KLHL28: variants seen among roughly 807,000 people sequenced by gnomAD.
The protein encoded by KLHL28 is kelch like family member 28, also known as kelch-like protein 28.
KLHL28 carries 22 observed loss-of-function variants against 48.3 expected under a neutral mutation model. The ratio of observed to expected loss-of-function variants is 0.46; its 90% CI spans 0.33 to 0.65. The LOEUF is 0.65. Among genes scored for constraint, KLHL28 ranks in the 30% least tolerant of loss-of-function variants. The probability of loss-of-function intolerance (pLI) is 0.03; values close to 1 mark genes in which losing one functional copy is unlikely to be tolerated. For missense variants in KLHL28, 527 were observed against 704.3 expected (o/e 0.75, Z 2.85); for synonymous variants, 243 against 242.4 (o/e 1.00, Z -0.02).
chr14:44,936,137 T>C (rs1696490831), intron 2 of KLHL28, among the ~76,000 whole-genome samples: 1 of 151,644 alleles, frequency 6.6e-6, no homozygotes, highest in South Asian at 2.1e-4. Context: ...TAAAAGAGAA[T>C]GGGAGATAAG....
At chr14:44,959,319 T>G (rs1401864973) in intron 1 of KLHL28, 1 of 152,126 alleles carries the variant, frequency 6.6e-6, no homozygotes, top group Non-Finnish European at 1.5e-5. Context: ...GAGGATTAAA[T>G]GAGTTAATAT....
intron 2 of KLHL28, among the ~76,000 whole-genome samples, chr14:44,939,811 C>G (rs375627770): frequency 6.6e-6 from 1 of 152,180 alleles, no homozygotes; most frequent in Non-Finnish European, 1.5e-5. Context: ...ACATTCTATT[C>G]ACGGCAATCT....
At chr14:44,953,897 T>G (rs1884688616) in intron 1 of KLHL28, among the ~76,000 whole-genome samples, 1 of 151,884 alleles carries the variant, frequency 6.6e-6, no homozygotes, top group Non-Finnish European at 1.5e-5. Flanking sequence ...AATAAAGAAA[T>G]CGTAAGTAAA....
In KLHL28 at chr14:44,945,524, A is replaced by G. The variant is rs771171707; in HGVS notation, c.405T>C (p.Gly135=). 8 of 1,614,094 alleles carry G rather than the reference A, an allele frequency of 5.0e-6. No individual in the cohort carries two copies. Among genetic ancestry groups the G allele is most frequent in the Admixed American group, 3.3e-5 (2 of 59,994 alleles). The part of the protein sequence containing the change: ...CAFLESQLDP[G]NCIGISRFAE... ...CAAAACGAGAAATTCCAATACAATT[A>G]CCAGGATCAAGTTGGCTTTCAAGAA... is the stretch of plus-strand genomic sequence containing the variant. Residue 135 remains glycine, a synonymous_variant, in exon 2 of 5, where the codon GGT becomes GGC. Coordinates refer to ENST00000396128, the MANE Select transcript of KLHL28 (RefSeq NM_017658.5).
At chr14:44,939,254 C>T (rs951570034) in intron 2 of KLHL28, among the ~76,000 whole-genome samples, 13 of 152,142 alleles carry the variant, frequency 8.5e-5, no homozygotes, top group African/African-American at 3.1e-4. Flanking sequence ...CCATTCTGCC[C>T]TCCTAGTGTT....
chr14:44,934,754 C>T (rs1199992568), intron 2 of KLHL28, among the ~76,000 whole-genome samples, 196 bp from the exon 3 acceptor site: 1 of 152,050 alleles, frequency 6.6e-6, no homozygotes, highest in African/African-American at 2.4e-5. Context: ...ATGCATACTC[C>T]GTTGGTGAGA....
chr14:44,945,308 C>T lies in KLHL28; in HGVS notation c.621G>A (p.Lys207=), dbSNP rs970893593. The T allele has an allele frequency of 2.5e-6, 4 of 1,614,038 alleles. No individual in the cohort carries two copies. The highest frequency in any genetic ancestry group is 3.4e-6 in the Non-Finnish European group (4 of 1,180,020). Residue 207 remains lysine, a synonymous_variant, in exon 2 of 5, where the codon AAG becomes AAA. Transcript: ENST00000396128. ...TVFYALESWI[K]YDVQERQKYL... ...ATTTCTGGCGTTCTTGTACATCATA[C>T]TTGATCCAAGACTCTAATGCATAAA...
At chr14:44,937,178 C>G (rs1450139340) in intron 2 of KLHL28, among the ~76,000 whole-genome samples, 1 of 148,876 alleles carries the variant, frequency 6.7e-6, no homozygotes, top group African/African-American at 2.5e-5. Flanking sequence ...CGGAGTCTCA[C>G]TCTGTCGCCC....
At chr14:44,932,817 C>A (rs1264295707) in intron 3 of KLHL28, among the ~76,000 whole-genome samples, 2 of 152,106 alleles carry the variant, frequency 1.3e-5, no homozygotes, top group African/African-American at 2.4e-5. Context: ...GTCTATGTCC[C>A]ATATTTTTCC....
intron 2 of KLHL28, among the ~76,000 whole-genome samples, chr14:44,937,915 C>T (rs1883895390): frequency 1.3e-5 from 2 of 152,334 alleles, no homozygotes; most frequent in South Asian, 4.1e-4. Context: ...TTAACCCCTT[C>T]AAGAGGGTGG....
chr14:44,946,551 CTTT>C (rs397853423), intron 1 of KLHL28, among the ~76,000 whole-genome samples: 18 of 122,516 alleles, frequency 1.5e-4, no homozygotes, highest in African/African-American at 4.6e-4. Flanking sequence ...CCACTCAACT[CTTT>C]TTTTTTTTTT....
At chr14:44,940,471 C>T (rs1412552550) in intron 2 of KLHL28, among the ~76,000 whole-genome samples, 4 of 152,184 alleles carry the variant, frequency 2.6e-5, no homozygotes, top group African/African-American at 9.7e-5. Context: ...AAAATGCTTT[C>T]AATGTATTGC....
rs111753871 is a variant in KLHL28 at position 44,930,378 on chromosome 14, C to T, written c.1552+955G>A. Among the ~76,000 whole-genome samples, 454 of 152,188 alleles carry T rather than the reference C, an allele frequency of 3.0e-3. 3 individuals are homozygous for T. The highest frequency in any genetic ancestry group is 9.5e-3 in the African/African-American group (394 of 41,510). On this transcript the variant is annotated intron_variant, in intron 4 of 4. Transcript: ENST00000396128. ...GATCTCGGTTCTAGCGATTCTCATG[C>T]CTCAGCCTCCCGAGTAGCTGACACT...
chr14:44,931,201 A>C (rs1883570046), intron 4 of KLHL28, 132 bp downstream of exon 4: 4 of 604,096 alleles, frequency 6.6e-6, no homozygotes, highest in Non-Finnish European at 1.1e-5. Flanking sequence ...AGTTTACCAC[A>C]TACAAGTCTT....
chr14:44,946,666 C>G (rs1376441658), intron 1 of KLHL28, among the ~76,000 whole-genome samples: 1 of 151,586 alleles, frequency 6.6e-6, no homozygotes, highest in Non-Finnish European at 1.5e-5. Context: ...AAATGATTCT[C>G]CTGCTTAGCC....
intron 2 of KLHL28, 47 bp downstream of exon 2, chr14:44,944,983 G>C (rs183435752): frequency 3.1e-6 from 4 of 1,297,668 alleles, no homozygotes; most frequent in Middle Eastern, 1.9e-4. Flanking sequence ...CATTTAAAAA[G>C]CATAAAATCA....
intron 2 of KLHL28, among the ~76,000 whole-genome samples, chr14:44,943,710 T>C (rs1884200217): frequency 6.7e-6 from 1 of 148,514 alleles, no homozygotes; most frequent in African/African-American, 2.6e-5. Flanking sequence ...TAAAATGTAT[T>C]ATCGGACTTT....
rs768850323 is a variant in KLHL28 at position 44,945,348 on chromosome 14, G to A, written c.581C>T (p.Thr194Ile). Residue 194 changes from threonine to isoleucine, a missense_variant, in exon 2 of 5, where the codon ACC becomes ATC. Coordinates refer to ENST00000396128, the MANE Select transcript of KLHL28 (RefSeq NM_017658.5). The stretch of plus-strand genomic sequence containing the variant: ...TAATGCATAAAAAACAGTCTCTTCG[G>A]TAGCTACATTCAAACAGTCATTGGA... Reference protein sequence around the residue: ...IVSNDCLNVATEETVFYALES... With the variant: ...IVSNDCLNVAIEETVFYALES... 7 of 1,614,052 alleles carry A rather than the reference G, an allele frequency of 4.3e-6. No homozygotes were observed.
chr14:44,946,551 C>CTTTTTTT (rs397853423), intron 1 of KLHL28, among the ~76,000 whole-genome samples: 2 of 122,544 alleles, frequency 1.6e-5, no homozygotes, highest in Non-Finnish European at 3.4e-5. Context: ...CCACTCAACT[C>CTTTTTTT]TTTTTTTTTT....
Sources: gnomAD v4.1 joint callset for allele counts (sites outside exome capture counted in the v4.1 genomes callset) on GRCh38, gnomAD v4.1.1 for gene constraint, MANE v1.5 for transcripts, NCBI Gene and HGNC (gene_info 2026-07-23, HGNC 2026-07-21) for gene names.